EMC1: variants seen among roughly 807,000 people sequenced by gnomAD.
EMC1 encodes KIAA0090.
A neutral mutation model predicts 128.8 loss-of-function variants in EMC1; 103 were observed. The ratio of observed to expected loss-of-function variants is 0.80; its 90% CI spans 0.68 to 0.94. EMC1 has a LOEUF of 0.94. Among genes scored for constraint, EMC1 ranks in the 40% least tolerant of loss-of-function variants. EMC1 has a pLI of 0.00. For missense variants in EMC1, 1,083 were observed against 1,250.6 expected (o/e 0.87, Z 2.02); for synonymous variants, 442 against 490.4 (o/e 0.90, Z 1.30).
At chr1:19,250,985 G>C (rs572266693) in intron 1 of EMC1, among the ~76,000 whole-genome samples, 1 of 152,170 alleles carries the variant, frequency 6.6e-6, no homozygotes, top group African/African-American at 2.4e-5. Context: ...ACTCAGTTTA[G>C]GACTTTTAAG....
rs1444607844 is a variant in EMC1 at position 19,222,819 on chromosome 1, T to C, written c.2392A>G (p.Thr798Ala). The change falls in exon 20 of 23, where the codon ACC becomes GCC. Residue 798 changes from threonine (T) to alanine (A), a missense_variant. Thr to Ala is a moderately conservative substitution (Grantham distance 58). Transcript: ENST00000477853. ...GTAAACTCGTTGCGCCGAGCCTTGG[T>C]GTTCCAGTACTGGTACTGCAGGGAT... ...ENWVVYQYWN[T>A]KARRNEFTVL... is the part of the protein sequence containing the mutation. The C allele has an allele frequency of 1.2e-6, 2 of 1,611,506 alleles. No individual in the cohort carries two copies.
rs759788442 is a variant in EMC1, at chr1:19,251,488, G to C, written c.22C>G (p.Arg8Gly). 8 of 1,614,008 alleles carry C rather than the reference G, an allele frequency of 5.0e-6. No individual in the cohort carries two copies. In the East Asian group the frequency reaches 6.7e-5, roughly 13 times the overall value. The change falls in exon 1 of 23, where the codon CGT (arginine) becomes GGT (glycine). Residue 8 changes from arginine to glycine, a missense_variant. Arg to Gly is a moderately radical substitution (Grantham distance 125, BLOSUM62 -2). This residue lies in a region of EMC1 where 544 missense variants were observed against 572.4 expected (regional missense o/e 0.95). Transcript: ENST00000477853. The stretch of plus-strand genomic sequence containing the variant: ...AGCAGCGTAGCCCAAAGCCAGAAAC[G>C]AGAAGCCCACTCAGCCGCCATGATG... MAAEWASRFWLWATLLIP... is the reference protein window; with the variant it reads MAAEWASGFWLWATLLIP...
At chr1:19,219,833 G>T in intron 21 of EMC1, 135 bp from the exon 22 acceptor site, 2 of 939,114 alleles carry the variant, frequency 2.1e-6, no homozygotes, top group Middle Eastern at 3.0e-4. Context: ...CTTGCATTAG[G>T]TAGTTAAAAA....
At chr1:19,242,269 C>G (rs779981152) in intron 5 of EMC1, 76 bp downstream of exon 5, 1 of 1,533,768 alleles carries the variant, frequency 6.5e-7, no homozygotes, top group African/African-American at 1.4e-5. Flanking sequence ...GCAAATGCTT[C>G]GGGTCCCTCG....
At chr1:19,233,162 C>A in intron 13 of EMC1, 27 bp from the exon 14 acceptor site, 1 of 1,584,150 alleles carries the variant, frequency 6.3e-7, no homozygotes, top group Non-Finnish European at 8.6e-7. Flanking sequence ...GTAACATACT[C>A]TACATCAGAC....
intron 1 of EMC1, 57 bp downstream of exon 1, chr1:19,251,358 A>T: frequency 6.9e-7 from 1 of 1,456,102 alleles, no homozygotes. Flanking sequence ...AGCAGGTAGG[A>T]GACAGGTACT....
intron 1 of EMC1, among the ~76,000 whole-genome samples, chr1:19,249,124 T>C (rs1240209998): frequency 6.6e-6 from 1 of 152,194 alleles, no homozygotes; most frequent in Non-Finnish European, 1.5e-5. Context: ...AATAAAATGT[T>C]TGTAAAGTAA....
intron 11 of EMC1, 30 bp downstream of exon 11, chr1:19,237,987 G>A (rs1352101136): frequency 6.2e-7 from 1 of 1,609,738 alleles, no homozygotes; most frequent in Non-Finnish European, 8.5e-7. Flanking sequence ...AAGCCCACAG[G>A]ACAGTCTGCA....
chr1:19,222,288 G>C (rs539384309), intron 20 of EMC1, among the ~76,000 whole-genome samples: 1 of 152,048 alleles, frequency 6.6e-6, no homozygotes, highest in East Asian at 1.9e-4. Flanking sequence ...GCAAATCCCT[G>C]TCTCTACCAA....
Position 19,239,805 on chromosome 1 carries a change from T to C in EMC1, c.954+13A>G, listed in dbSNP as rs1164009896. ...TCTCCTGAATCCTAGCAAACCATGT[T>C]GCCTGCAGTTACCTGTGGGAAGTTT... On this transcript the variant is annotated intron_variant, in intron 8 of 22. Transcript: ENST00000477853. The C allele has an allele frequency of 6.2e-7, 1 of 1,613,280 alleles. No individual in the cohort carries two copies. The highest frequency in any genetic ancestry group is 8.5e-7 in the Non-Finnish European group (1 of 1,179,562).
At chr1:19,248,722 G>A (rs1431349792) in intron 1 of EMC1, among the ~76,000 whole-genome samples, 1 of 151,814 alleles carries the variant, frequency 6.6e-6, no homozygotes, top group Non-Finnish European at 1.5e-5. Flanking sequence ...CCAGCCCCAA[G>A]CTGGTCTTGA....
At chr1:19,236,162 G>A (rs1380261312) in intron 12 of EMC1, among the ~76,000 whole-genome samples, 1 of 151,968 alleles carries the variant, frequency 6.6e-6, no homozygotes, top group African/African-American at 2.4e-5. Context: ...GATCACCTGA[G>A]GTTAGGAGCT....
intron 20 of EMC1, among the ~76,000 whole-genome samples, chr1:19,222,370 A>G (rs537048656): frequency 6.6e-6 from 1 of 152,254 alleles, no homozygotes; most frequent in South Asian, 2.1e-4. Flanking sequence ...ACACCACTGC[A>G]CTCCAGCCTG....
At chr1:19,249,754 G>A (rs761320344) in intron 1 of EMC1, among the ~76,000 whole-genome samples, 9 of 151,640 alleles carry the variant, frequency 5.9e-5, no homozygotes, top group Non-Finnish European at 8.8e-5. Flanking sequence ...GCAAAACCCC[G>A]TCTCTACAAA....
At chr1:19,237,359 C>T (rs2151954899) in intron 11 of EMC1, 121 bp from the exon 12 acceptor site, 1 of 747,384 alleles carries the variant, frequency 1.3e-6, no homozygotes, top group Non-Finnish European at 2.4e-6. Flanking sequence ...TATTTGATGT[C>T]TAAACAATGT....
intron 21 of EMC1, chr1:19,220,552 T>C: frequency 2.4e-6 from 1 of 424,052 alleles, no homozygotes; most frequent in Non-Finnish European, 4.2e-6. Flanking sequence ...TAACATAGTA[T>C]ATATTTTACT....
intron 13 of EMC1, chr1:19,234,149 G>A (rs896161059): frequency 2.2e-5 from 22 of 983,598 alleles, no homozygotes; most frequent in Non-Finnish European, 2.7e-5. Context: ...AGCAGGCAAC[G>A]AGCAACAAGG....
In EMC1 at chr1:19,219,638, G is replaced by A. The variant is rs1276977671; in HGVS notation, c.2733C>T (p.Asn911=). The change falls in exon 22 of 23, where the codon AAC becomes AAT. Residue 911 remains asparagine (N), a synonymous_variant. Transcript: ENST00000477853. ...GCATTCGAGAAACTGTCTGGTTATA[G>A]TTGATGAATCGCTCTGCGTGTATCT... The part of the protein sequence containing the change: ...DVQIHAERFI[N]YNQTVSRMRG... 6.2e-7 allele frequency: 1 copy of A among 1,614,084 alleles called. No individual in the cohort carries two copies. The highest frequency in any genetic ancestry group is 8.5e-7 in the Non-Finnish European group (1 of 1,179,996).
At chr1:19,234,722 T>G (rs1314713635) in intron 13 of EMC1, among the ~76,000 whole-genome samples, 1 of 152,072 alleles carries the variant, frequency 6.6e-6, no homozygotes, top group Non-Finnish European at 1.5e-5. Flanking sequence ...GGCGCATGCC[T>G]GTAATCCCAG....
Sources: allele counts gnomAD v4.1 joint callset (sites outside exome capture counted in the v4.1 genomes callset), GRCh38; gene constraint gnomAD v4.1.1; regional missense constraint gnomAD v4.1.1; transcripts MANE v1.5; gene names NCBI Gene and HGNC (gene_info 2026-07-23, HGNC 2026-07-21).